PTBP3: variants seen among roughly 807,000 people sequenced by gnomAD.
PTBP3 encodes the protein polypyrimidine tract-binding protein 3.
A neutral mutation model predicts 58.7 loss-of-function variants in PTBP3; 20 were observed. The observed-to-expected ratio is 0.34, with a 90% confidence interval of 0.24 to 0.50. PTBP3 has a LOEUF of 0.50. Among genes scored for constraint, PTBP3 ranks in the 20% least tolerant of loss-of-function variants. The pLI is 0.98. For synonymous variants in PTBP3, 185 were observed against 219.8 expected (o/e 0.84, Z 1.40); for missense variants, 509 against 637.2 (o/e 0.80, Z 2.17).
the PTBP3 span, among the ~76,000 whole-genome samples, chr9:112,372,611 C>T: frequency 2.0e-5 from 3 of 152,282 alleles, no homozygotes; most frequent in South Asian, 4.1e-4. Flanking sequence ...TGCTTTCTAT[C>T]TCTACAGATT....
chr9:112,244,298 A>AAAAAAAAAAAAAAAAAAAAAAAAC, intron 7 of PTBP3, among the ~76,000 whole-genome samples: 1 of 147,222 alleles, frequency 6.8e-6, no homozygotes. Flanking sequence ...TCAAAAAAAA[A>AAAAAAAAAAAAAAAAAAAAAAAAC]AAAAAAAAAG....
chr9:112,303,089 A>T (rs1322449898), intron 1 of PTBP3, among the ~76,000 whole-genome samples: 1 of 152,232 alleles, frequency 6.6e-6, no homozygotes, highest in Non-Finnish European at 1.5e-5. Flanking sequence ...TGTGATGGCA[A>T]TGAAACAATC....
intron 6 of PTBP3, among the ~76,000 whole-genome samples, chr9:112,251,927 C>T (rs941123218): frequency 1.3e-5 from 2 of 152,084 alleles, no homozygotes; most frequent in Non-Finnish European, 2.9e-5. Flanking sequence ...GAGTGCCAGA[C>T]ACTGTGTGGT....
chr9:112,252,621 G>A, intron 6 of PTBP3, 57 bp downstream of exon 6: 2 of 1,265,050 alleles, frequency 1.6e-6, no homozygotes, highest in African/African-American at 1.5e-5. Context: ...TGGGGCACAA[G>A]AGAAGGTATC....
intron 7 of PTBP3, among the ~76,000 whole-genome samples, chr9:112,242,354 T>G (rs1835692776): frequency 6.6e-6 from 1 of 152,108 alleles, no homozygotes; most frequent in South Asian, 2.1e-4. Flanking sequence ...TTTGCCAACT[T>G]GGAGTGAGTA....
chr9:112,251,127 G>A, intron 6 of PTBP3, 24 bp from the exon 7 acceptor site: 1 of 1,507,306 alleles, frequency 6.6e-7, no homozygotes. Flanking sequence ...GAAAGGGACT[G>A]GTTTTGGCAA....
chr9:112,288,899 G>C (rs906643306), intron 2 of PTBP3, among the ~76,000 whole-genome samples: 1 of 152,190 alleles, frequency 6.6e-6, no homozygotes, highest in African/African-American at 2.4e-5. Context: ...GCTATGAAAA[G>C]CCAAGTACGC....
intron 2 of PTBP3, among the ~76,000 whole-genome samples, chr9:112,278,154 T>C (rs1004367365): frequency 6.6e-6 from 1 of 152,170 alleles, no homozygotes; most frequent in Non-Finnish European, 1.5e-5. Flanking sequence ...ATTTCTTTTT[T>C]TAAACCACAA....
the PTBP3 span, among the ~76,000 whole-genome samples, chr9:112,352,620 ATTTC>A: frequency 6.6e-6 from 1 of 152,142 alleles, no homozygotes; most frequent in African/African-American, 2.4e-5. Context: ...CCCAGTTCTT[ATTTC>A]TTCACATTTC....
chr9:112,330,481 G>A (rs866412243), intron 1 of PTBP3: 2 of 1,516,802 alleles, frequency 1.3e-6, no homozygotes, highest in Non-Finnish European at 1.8e-6. Context: ...AACACTGTAT[G>A]GAAAAAGTAA....
intron 12 of PTBP3, 129 bp downstream of exon 12, chr9:112,227,278 AAATT>A: frequency 1.2e-6 from 1 of 858,816 alleles, no homozygotes; most frequent in Non-Finnish European, 1.8e-6. Context: ...GATGGCAAAT[AAATT>A]GTCTTATCAG....
intron 1 of PTBP3, among the ~76,000 whole-genome samples, chr9:112,315,196 C>T (rs1186267879): frequency 1.3e-5 from 2 of 151,738 alleles, no homozygotes; most frequent in Admixed American, 6.6e-5. Flanking sequence ...GTACACAGAA[C>T]ATTCATAAAG....
Position 112,227,416 on chromosome 9 carries a change from G to T in PTBP3, c.1359C>A (p.Asn453Lys), listed in dbSNP as rs774033718. The change falls in exon 12 of 14, where the codon AAC becomes AAA. Residue 453 changes from asparagine (N) to lysine (K), a missense_variant. Transcript: ENST00000374257. ...FPPSATLHLS[N>K]IPPSVTVDDL... ...ATAACTTATTAGGTACATACGGAAT[G>T]TTGGAAAGATGCAGAGTGGCTGATG... 1 of 1,612,978 alleles carries T rather than the reference G, an allele frequency of 6.2e-7. No homozygotes were observed. Among genetic ancestry groups the T allele is most frequent in the Non-Finnish European group, 8.5e-7 (1 of 1,179,000 alleles).
intron 1 of PTBP3, among the ~76,000 whole-genome samples, chr9:112,315,696 A>C (rs1829675862): frequency 6.6e-6 from 1 of 152,228 alleles, no homozygotes; most frequent in African/African-American, 2.4e-5. Flanking sequence ...CTTCCAACAA[A>C]GAAAATACAC....
At chr9:112,271,661 A>C (rs1185399684) in intron 3 of PTBP3, among the ~76,000 whole-genome samples, 5 of 152,124 alleles carry the variant, frequency 3.3e-5, no homozygotes, top group Non-Finnish European at 4.4e-5. Flanking sequence ...GGGAGGCAGA[A>C]GTTGCAGTGA....
the PTBP3 span, among the ~76,000 whole-genome samples, chr9:112,359,785 A>G: frequency 6.6e-6 from 1 of 152,144 alleles, no homozygotes; most frequent in Non-Finnish European, 1.5e-5. Flanking sequence ...GTGCCATTGC[A>G]CTCAAGCCTG....
chr9:112,365,144 C>A, the PTBP3 span, among the ~76,000 whole-genome samples: 36,989 of 146,370 alleles, frequency 0.25, 4,929 homozygotes, highest in East Asian at 0.36. Context: ...AATAGTATTT[C>A]ATTGTATATG....
chr9:112,336,371 T>C (rs910347135), upstream of PTBP3, among the ~76,000 whole-genome samples: 1 of 152,168 alleles, frequency 6.6e-6, no homozygotes, highest in Non-Finnish European at 1.5e-5. Context: ...ATATCCTTTA[T>C]ATAATTCAAC....
Position 112,223,294 on chromosome 9 carries a change from T to A in PTBP3, c.*557A>T, listed in dbSNP as rs1011628927. 5.6e-5 allele frequency: 54 copies of A among 960,266 alleles called. No homozygotes were observed. The highest frequency in any genetic ancestry group is 5.3e-4 in the Middle Eastern group (1 of 1,896). 59.5% of individuals were successfully genotyped at this position (960,266 alleles called of 1,614,324 possible). A position where few individuals can be genotyped will look rare whatever the true frequency, so the allele number is the denominator to read the frequency against. ...AAAACATGCAGGTTTATAAATCTGC[T>A]TCCAACACAACTCAATGTGTTTATG... On this transcript the variant is annotated 3_prime_UTR_variant, in exon 14 of 14. Coordinates refer to ENST00000374257, the MANE Select transcript of PTBP3 (RefSeq NM_001163788.4).
Sources: gnomAD v4.1 joint callset for allele counts (sites outside exome capture counted in the v4.1 genomes callset) on GRCh38, gnomAD v4.1.1 for gene constraint, MANE v1.5 for transcripts, NCBI Gene and HGNC (gene_info 2026-07-23, HGNC 2026-07-21) for gene names.